Variants in CDK5RAP2 observed in about 807,000 individuals in gnomAD.
CDK5RAP2 encodes CDK5 regulatory subunit associated protein 2, also known as CDK5 regulatory subunit-associated protein 2.
A neutral mutation model predicts 232.9 loss-of-function variants in CDK5RAP2; 147 were observed. The observed-to-expected ratio is 0.63, with a 90% CI of 0.55 to 0.72. The LOEUF is 0.72. CDK5RAP2 is among the 30% of genes least tolerant of loss of function. The pLI is 0.00. For missense variants in CDK5RAP2, 2,195 were observed against 2,231.5 expected (o/e 0.98, Z 0.33); for synonymous variants, 833 against 833.7 (o/e 1.00, Z 0.01).
At chr9:120,493,495 T>C (rs1195250174) in intron 12 of CDK5RAP2, among the ~76,000 whole-genome samples, 1 of 152,240 alleles carries the variant, frequency 6.6e-6, no homozygotes, top group Admixed American at 6.5e-5. Context: ...TATCACCATT[T>C]GCAAATGATC....
chr9:120,478,341 G>A (rs2038127034), intron 14 of CDK5RAP2, among the ~76,000 whole-genome samples: 1 of 152,194 alleles, frequency 6.6e-6, no homozygotes, highest in South Asian at 2.1e-4. Context: ...CAAAAAATGA[G>A]GAAGTGCTTA....
chr9:120,557,767 AC>A (rs2042287700), intron 3 of CDK5RAP2, among the ~76,000 whole-genome samples: 1 of 137,732 alleles, frequency 7.3e-6, no homozygotes, highest in Non-Finnish European at 1.5e-5. Flanking sequence ...TCAAAAAAAA[AC>A]TTTTTTTTTT....
intron 1 of CDK5RAP2, among the ~76,000 whole-genome samples, chr9:120,579,114 GC>G (rs1486568665): frequency 3.3e-5 from 5 of 152,190 alleles, no homozygotes; most frequent in African/African-American, 9.6e-5. Context: ...AGCTCCACCA[GC>G]AATGGGGACT....
chr9:120,538,813 A>T lies in CDK5RAP2; in HGVS notation c.507+228T>A, dbSNP rs142603579. ...GAGTTAGTACTTCTCTCTGTATCTC[A>T]GGGATCTTACACAGAAATGAGGACC... On this transcript the variant is annotated intron_variant, in intron 6 of 37. Transcript: ENST00000349780. Among the ~76,000 whole-genome samples the T allele has an allele frequency of 3.9e-5, 6 of 152,340 alleles. 1 individual carries two copies. The highest frequency in any genetic ancestry group is 1.4e-4 in the African/African-American group (6 of 41,584).
rs60645195 is a variant in CDK5RAP2, at chr9:120,545,637, GA to G, written c.383+76del. 74,236 of 1,083,896 alleles carry G rather than the reference GA, an allele frequency of 0.068. 4,214 individuals carry two copies. Among genetic ancestry groups the G allele is most frequent in the East Asian group, 0.29 (12,427 of 42,522 alleles). 67.1% of individuals were successfully genotyped at this position (1,083,896 alleles called of 1,614,324 possible). On this transcript the variant is annotated intron_variant, in intron 5 of 37. Transcript: ENST00000349780. ...GTCCAGATGGAAACCAACTGTCTTA[GA>G]AAAGTGTACGGCTCTATTTCACTGA...
intron 12 of CDK5RAP2, among the ~76,000 whole-genome samples, chr9:120,497,544 A>T (rs2039367874): frequency 6.6e-6 from 1 of 151,490 alleles, no homozygotes; most frequent in African/African-American, 2.4e-5. Context: ...AAAATTAATT[A>T]TAAAGGGAAT....
At chr9:120,401,939 G>A (rs1018274970) in intron 34 of CDK5RAP2, among the ~76,000 whole-genome samples, 10 of 151,650 alleles carry the variant, frequency 6.6e-5, no homozygotes, top group Admixed American at 4.6e-4. Flanking sequence ...AGCCAAGATC[G>A]CACCACTGAA....
intron 19 of CDK5RAP2, among the ~76,000 whole-genome samples, chr9:120,460,140 C>A (rs1414654317): frequency 6.6e-6 from 1 of 152,104 alleles, no homozygotes; most frequent in Non-Finnish European, 1.5e-5. Flanking sequence ...GTCTTTACAC[C>A]TCAACTAAAT....
rs150431026 is a variant in CDK5RAP2, at chr9:120,419,861, G to A, written c.4104C>T (p.Ser1368=). Reference sequence around the variant, plus strand: ...CTTGCTTCTGGTCTCGTGAGAAGAAGGACTTTTCAGATGTTTCATAATCAG... The same window carrying A: ...CTTGCTTCTGGTCTCGTGAGAAGAAAGACTTTTCAGATGTTTCATAATCAG... ...ALSDYETSEK[S]FFSRDQKQDN... The change falls in exon 27 of 38, where the codon TCC becomes TCT. Residue 1368 remains serine (S), a synonymous_variant. Coordinates refer to ENST00000349780, the MANE Select transcript of CDK5RAP2 (RefSeq NM_018249.6). 2.5e-6 allele frequency: 4 copies of A among 1,613,536 alleles called. No individual in the cohort carries two copies. The highest frequency in any genetic ancestry group is 2.2e-5 in the East Asian group (1 of 44,890).
intron 18 of CDK5RAP2, among the ~76,000 whole-genome samples, chr9:120,461,493 G>A (rs897918699): frequency 1.3e-5 from 2 of 152,178 alleles, no homozygotes; most frequent in African/African-American, 2.4e-5. Context: ...AGCCACTCCC[G>A]GATAAGGAAT....
intron 12 of CDK5RAP2, among the ~76,000 whole-genome samples, chr9:120,506,170 T>C (rs2039802120): frequency 6.6e-6 from 1 of 152,236 alleles, no homozygotes; most frequent in African/African-American, 2.4e-5. Flanking sequence ...TGCTCACTTA[T>C]GATTCCAGAA....
intron 3 of CDK5RAP2, among the ~76,000 whole-genome samples, chr9:120,561,955 C>T (rs1003298729): frequency 5.9e-5 from 9 of 152,168 alleles, no homozygotes; most frequent in Non-Finnish European, 1.0e-4. Context: ...ATTTTGCCTT[C>T]TTTTTGCTTC....
chr9:120,400,415 A>AT (rs2032898418), intron 35 of CDK5RAP2, among the ~76,000 whole-genome samples: 2 of 152,256 alleles, frequency 1.3e-5, no homozygotes, highest in African/African-American at 4.8e-5. Flanking sequence ...AAATAAAAGA[A>AT]TAAACATTGG....
rs766533215 is a variant in CDK5RAP2, at chr9:120,579,982, T to A, written c.-4A>T. 1.9e-6 allele frequency: 3 copies of A among 1,603,246 alleles called. No individual in the cohort carries two copies. The highest frequency in any genetic ancestry group is 2.6e-6 in the Non-Finnish European group (3 of 1,170,340). The stretch of plus-strand genomic sequence containing the variant: ...CTTCCAACACCAAGTCCATCATGGC[T>A]ACAGAGGTGGCGACAGCGTTGGTGT... On this transcript the variant is annotated 5_prime_UTR_variant, in exon 1 of 38. Transcript: ENST00000349780.
At chr9:120,413,824 GGAGGGAGGAGGGAGGAGGGAA>G (rs1459424565) in intron 28 of CDK5RAP2, among the ~76,000 whole-genome samples, 5 of 134,634 alleles carry the variant, frequency 3.7e-5, no homozygotes, top group Admixed American at 7.2e-5. Context: ...GGAGGAGGGA[GGAGGGAGGAGGGAGGAGGGAA>G]GGAGGAGGGA....
At chr9:120,561,239 T>C (rs955193370) in intron 3 of CDK5RAP2, among the ~76,000 whole-genome samples, 2 of 152,178 alleles carry the variant, frequency 1.3e-5, no homozygotes, top group African/African-American at 4.8e-5. Flanking sequence ...TCCTTGGTGT[T>C]TTCAAATCAT....
At chr9:120,520,050 T>C (rs2040545776) in intron 11 of CDK5RAP2, among the ~76,000 whole-genome samples, 1 of 152,186 alleles carries the variant, frequency 6.6e-6, no homozygotes, top group African/African-American at 2.4e-5. Context: ...CTAAAGAAAA[T>C]ACATATGATT....
In CDK5RAP2 at chr9:120,533,797, T is replaced by TG. The variant is rs1554775540; in HGVS notation, c.662+2574_662+2575insC. 7.9e-3 allele frequency among the ~76,000 whole-genome samples: 419 copies of TG among 52,732 alleles called. 18 individuals are homozygous for TG. Among genetic ancestry groups the TG allele is most frequent in the Middle Eastern group, 0.029 (2 of 68 alleles). The allele number at this position is 52,732 out of a possible 152,430, so 34.6% of individuals were successfully genotyped here. A position where few individuals can be genotyped will look rare whatever the true frequency, so the allele number is the denominator to read the frequency against. ...TGGAGGACAGAGTTAAGACTCCATC[T>TG]AAAAAAAAAAAAAAAAAAAAAAAAA... is the stretch of plus-strand genomic sequence containing the variant. On this transcript the variant is annotated intron_variant, in intron 7 of 37. Coordinates refer to ENST00000349780, the MANE Select transcript of CDK5RAP2 (RefSeq NM_018249.6).
chr9:120,405,878 T>C (rs2033399374), intron 32 of CDK5RAP2, among the ~76,000 whole-genome samples: 1 of 152,184 alleles, frequency 6.6e-6, no homozygotes, highest in African/African-American at 2.4e-5. Flanking sequence ...TATGATGTAA[T>C]ATTGGGCAAA....
Sources: allele counts gnomAD v4.1 joint callset (sites outside exome capture counted in the v4.1 genomes callset), GRCh38; gene constraint gnomAD v4.1.1; transcripts MANE v1.5; gene names NCBI Gene and HGNC (gene_info 2026-07-23, HGNC 2026-07-21).